KCNMA1: variants seen among roughly 807,000 people sequenced by gnomAD.
The protein encoded by KCNMA1 is Calcium-activated potassium channel subunit alpha-1.
KCNMA1 carries 29 observed loss-of-function variants against 140.0 expected under a neutral mutation model. The ratio of observed to expected loss-of-function variants is 0.21; its 90% CI spans 0.15 to 0.28. The LOEUF is 0.28. Ranked by LOEUF, KCNMA1 falls within the 10% of genes least tolerant of loss-of-function variation. KCNMA1 has a pLI of 1.00. For missense variants in KCNMA1, 880 were observed against 1,602.2 expected (o/e 0.55, Z 7.70); for synonymous variants, 612 against 611.9 (o/e 1.00, Z 0.00).
chr10:76,913,147 A>G (rs1456319455), intron 24 of KCNMA1: 1 of 152,164 alleles, frequency 6.6e-6, no homozygotes, highest in African/African-American at 2.4e-5. Flanking sequence ...TGTTCATTTC[A>G]TTTGTGAGTC....
chr10:77,324,106 C>T (rs934591425), intron 2 of KCNMA1, among the ~76,000 whole-genome samples: 5 of 152,152 alleles, frequency 3.3e-5, no homozygotes, highest in African/African-American at 9.7e-5. Flanking sequence ...TTCTCCAGAA[C>T]ATCTGGCTTC....
intron 3 of KCNMA1, among the ~76,000 whole-genome samples, chr10:77,228,951 CTTG>C (rs1271171385): frequency 6.6e-6 from 1 of 152,236 alleles, no homozygotes; most frequent in Non-Finnish European, 1.5e-5. Flanking sequence ...ATCACTGGAA[CTTG>C]TTAGTGTTAT....
At chr10:77,576,644 A>C (rs528684595) in intron 1 of KCNMA1, among the ~76,000 whole-genome samples, 1 of 152,208 alleles carries the variant, frequency 6.6e-6, no homozygotes, top group Admixed American at 6.5e-5. Context: ...CAGCCGTGCA[A>C]GAAAGCTCAC....
intron 1 of KCNMA1, chr10:77,494,079 CAA>C (rs1196360168): frequency 6.6e-6 from 1 of 152,224 alleles, no homozygotes; most frequent in Non-Finnish European, 1.5e-5. Flanking sequence ...GGGATAGAAT[CAA>C]ACACTCAAAA....
chr10:77,432,469 C>A (rs1475245406), intron 1 of KCNMA1, among the ~76,000 whole-genome samples: 1 of 152,162 alleles, frequency 6.6e-6, no homozygotes, highest in Non-Finnish European at 1.5e-5. Context: ...GAAGCAGAAG[C>A]CTGAAGATGA....
Position 76,943,633 on chromosome 10 carries a change from C to A in KCNMA1, c.2902+1140G>T, listed in dbSNP as rs189894075. Among the ~76,000 whole-genome samples, 5 of 152,318 alleles carry A rather than the reference C, an allele frequency of 3.3e-5. No homozygotes were observed. In the East Asian group the frequency reaches 9.7e-4, roughly 29 times the overall value. On this transcript the variant is annotated intron_variant, in intron 23 of 27. Transcript: ENST00000286628. ...TTTCTCCTCCACTTTCCAAATCTCA[C>A]CCCAGTGCCCATCTCCCACCAGCTG...
intron 1 of KCNMA1, among the ~76,000 whole-genome samples, chr10:77,609,772 A>G (rs1212528199): frequency 6.6e-6 from 1 of 151,992 alleles, no homozygotes; most frequent in Non-Finnish European, 1.5e-5. Flanking sequence ...AATACAGCCA[A>G]TTGGCACTCT....
intron 1 of KCNMA1, among the ~76,000 whole-genome samples, chr10:77,513,742 A>G (rs1046081085): frequency 3.3e-5 from 5 of 152,222 alleles, no homozygotes; most frequent in Admixed American, 2.0e-4. Context: ...AACCACTCCA[A>G]TGATCCATTC....
At chr10:76,938,768 T>C (rs1229462569) in intron 23 of KCNMA1, among the ~76,000 whole-genome samples, 2 of 152,216 alleles carry the variant, frequency 1.3e-5, no homozygotes, top group Admixed American at 6.5e-5. Flanking sequence ...TGGGGCCAAA[T>C]TGTACTTGTC....
chr10:77,463,960 A>G (rs1365329572), intron 1 of KCNMA1, among the ~76,000 whole-genome samples: 1 of 152,186 alleles, frequency 6.6e-6, no homozygotes, highest in East Asian at 1.9e-4. Flanking sequence ...TAAGCTCCAG[A>G]GACCAGCGGC....
intron 2 of KCNMA1, among the ~76,000 whole-genome samples, chr10:77,284,978 A>G (rs1379765663): frequency 6.6e-6 from 1 of 152,250 alleles, no homozygotes; most frequent in East Asian, 1.9e-4. Flanking sequence ...CAGCATTAAC[A>G]AACTGGCTTT....
At chr10:77,151,985 T>C (rs1466546343) in intron 5 of KCNMA1, among the ~76,000 whole-genome samples, 1 of 152,176 alleles carries the variant, frequency 6.6e-6, no homozygotes, top group Non-Finnish European at 1.5e-5. Flanking sequence ...GGAAATGGAC[T>C]CCCAGTTTAA....
At chr10:76,986,070 A>G (rs938888289) in intron 19 of KCNMA1, among the ~76,000 whole-genome samples, 1 of 152,182 alleles carries the variant, frequency 6.6e-6, no homozygotes, top group Non-Finnish European at 1.5e-5. Context: ...ATCTCAAGCA[A>G]AACTACCATG....
At chr10:77,028,026 A>G in intron 15 of KCNMA1, 135 bp from the exon 16 acceptor site, 1 of 806,432 alleles carries the variant, frequency 1.2e-6, no homozygotes, top group South Asian at 1.4e-5. Context: ...CACTGTGCCA[A>G]AGGGAGGGGG....
At chr10:77,151,091 TTCTCTC>T (rs371312636) in intron 5 of KCNMA1, among the ~76,000 whole-genome samples, 1 of 151,460 alleles carries the variant, frequency 6.6e-6, no homozygotes, top group Non-Finnish European at 1.5e-5. Context: ...CTTTCTTTCT[TTCTCTC>T]TCTCTCTTTT....
intron 2 of KCNMA1, among the ~76,000 whole-genome samples, chr10:77,300,695 G>A (rs1320046478): frequency 6.6e-6 from 1 of 152,182 alleles, no homozygotes; most frequent in Non-Finnish European, 1.5e-5. Flanking sequence ...AGTAATGGCT[G>A]CAATGTTAAA....
chr10:77,104,646 G>A (rs761449516), intron 9 of KCNMA1, among the ~76,000 whole-genome samples: 1 of 152,158 alleles, frequency 6.6e-6, no homozygotes, highest in Non-Finnish European at 1.5e-5. Context: ...GGTGGCTCCC[G>A]GCTGGACTCC....
At chr10:77,082,003 T>TTTTC (rs1565975561) in intron 12 of KCNMA1, among the ~76,000 whole-genome samples, 6 of 34,390 alleles carry the variant, frequency 1.7e-4, no homozygotes, top group South Asian at 7.3e-4. Context: ...TCTTTTTTTC[T>TTTTC]TTTCTTTTTT....
intron 1 of KCNMA1, among the ~76,000 whole-genome samples, chr10:77,549,266 G>C (rs2062168661): frequency 6.6e-6 from 1 of 152,204 alleles, no homozygotes. Context: ...TCCCATACTG[G>C]CTGGAGATGT....
Sources: allele counts gnomAD v4.1 joint callset (sites outside exome capture counted in the v4.1 genomes callset), GRCh38; gene constraint gnomAD v4.1.1; transcripts MANE v1.5; gene names NCBI Gene and HGNC (gene_info 2026-07-23, HGNC 2026-07-21).